Variants in SMURF2 observed in about 807,000 individuals in gnomAD.
SMURF2 encodes the protein SMAD specific E3 ubiquitin protein ligase 2.
In SMURF2, 48 loss-of-function variants were observed where a neutral mutation model predicts 109.6. That is an observed-to-expected ratio of 0.44 (90% CI 0.35 to 0.56). The LOEUF (loss-of-function observed/expected upper bound fraction) is 0.56. Among genes scored for constraint, SMURF2 ranks in the 20% least tolerant of loss-of-function variants. The probability of loss-of-function intolerance (pLI) is 0.01; values close to 1 mark genes in which losing one functional copy is unlikely to be tolerated. For synonymous variants in SMURF2, 288 were observed against 317.1 expected, an observed-to-expected ratio of 0.91 and a Z score of 0.97; for missense variants, 575 against 909.0, an observed-to-expected ratio of 0.63 and a Z score of 4.72.
At chr17:64,607,060 G>T (rs1329210430) in intron 1 of SMURF2, among the ~76,000 whole-genome samples, 4 of 149,236 alleles carry the variant, frequency 2.7e-5, no homozygotes, top group Non-Finnish European at 5.9e-5. Context: ...TGATATAGAT[G>T]AGTTTTTTTT....
rs187364357 is a variant in SMURF2, at chr17:64,586,926, G to A, written c.401-756C>T. ...TCTGCCTGTAATCCCAGCACTTTGG[G>A]AGGCCGAGGCAGGCAGATCATGAGG... On this transcript the variant is annotated intron_variant, in intron 5 of 18. Coordinates refer to ENST00000262435, the MANE Select transcript of SMURF2 (RefSeq NM_022739.4). Among the ~76,000 whole-genome samples, 1,060 of 152,160 alleles carry A rather than the reference G, an allele frequency of 7.0e-3. 13 individuals are homozygous for A. Among genetic ancestry groups the A allele is most frequent in the African/African-American group, 0.024 (990 of 41,506 alleles).
chr17:64,554,083 C>T lies in SMURF2; in HGVS notation c.1748+773G>A, dbSNP rs78351343. On this transcript the variant is annotated intron_variant, in intron 15 of 18. Transcript: ENST00000262435. ...ATGAAATCTGAAAAACATTTATTTA[C>T]ATTTATCCCTAAACTCACAATGTGC... is the stretch of plus-strand genomic sequence containing the variant. 1.3e-3 allele frequency among the ~76,000 whole-genome samples: 194 copies of T among 152,258 alleles called. 2 individuals carry two copies. In the East Asian group the frequency reaches 0.027, roughly 21 times the overall value.
At chr17:64,546,241 T>TA in intron 18 of SMURF2, 22 bp downstream of exon 18, 1 of 1,609,652 alleles carries the variant, frequency 6.2e-7, no homozygotes, top group Non-Finnish European at 8.5e-7. Flanking sequence ...GAATGGGGAA[T>TA]ACAGCTACAA....
At chr17:64,572,370 TA>T (rs1969409483) in intron 9 of SMURF2, among the ~76,000 whole-genome samples, 1 of 152,198 alleles carries the variant, frequency 6.6e-6, no homozygotes, top group Non-Finnish European at 1.5e-5. Context: ...AAAATTTGCA[TA>T]AAATGTCCAT....
chr17:64,651,044 T>G (rs368963134), intron 1 of SMURF2, among the ~76,000 whole-genome samples: 1 of 150,890 alleles, frequency 6.6e-6, no homozygotes. Flanking sequence ...AAACCCTGTC[T>G]CTACTAAAAA....
chr17:64,615,830 A>C (rs1214163082), intron 1 of SMURF2, among the ~76,000 whole-genome samples: 1 of 152,124 alleles, frequency 6.6e-6, no homozygotes, highest in Non-Finnish European at 1.5e-5. Flanking sequence ...GATGGATAAG[A>C]AAATAATTTC....
Position 64,662,130 on chromosome 17 carries a change from C to T in SMURF2, c.-250G>A. On this transcript the variant is annotated 5_prime_UTR_variant, in exon 1 of 19. Coordinates refer to ENST00000262435, the MANE Select transcript of SMURF2 (RefSeq NM_022739.4). Reference sequence around the variant, plus strand: ...CAACAAAGCGGCAGCCGCGGCCGCCCGCGCCGCCTCCGCCCGCGCCCCCGC... The same window carrying T: ...CAACAAAGCGGCAGCCGCGGCCGCCTGCGCCGCCTCCGCCCGCGCCCCCGC... 9.7e-7 allele frequency: 1 copy of T among 1,036,084 alleles called. No homozygotes were observed. The highest frequency in any genetic ancestry group is 1.2e-6 in the Non-Finnish European group (1 of 862,030). 64.2% of individuals were successfully genotyped at this position (1,036,084 alleles called of 1,614,324 possible). A position where few individuals can be genotyped will look rare whatever the true frequency, so the allele number is the denominator to read the frequency against.
At chr17:64,570,634 G>C (rs1210988521) in intron 10 of SMURF2, among the ~76,000 whole-genome samples, 1 of 152,196 alleles carries the variant, frequency 6.6e-6, no homozygotes, top group Non-Finnish European at 1.5e-5. Flanking sequence ...GCTGAAGCCA[G>C]AGCATCCTGG....
At chr17:64,584,560 T>C (rs1215081772) in intron 6 of SMURF2, among the ~76,000 whole-genome samples, 1 of 151,780 alleles carries the variant, frequency 6.6e-6, no homozygotes, top group Non-Finnish European at 1.5e-5. Flanking sequence ...GGTTTCACCA[T>C]GTTGGCCAGG....
chr17:64,631,637 T>G (rs1355974375), intron 1 of SMURF2, among the ~76,000 whole-genome samples: 1 of 152,012 alleles, frequency 6.6e-6, no homozygotes, highest in African/African-American at 2.4e-5. Context: ...GAACATAAAA[T>G]GCACTTAAAC....
chr17:64,646,934 G>A (rs1237856683), intron 1 of SMURF2, among the ~76,000 whole-genome samples: 3 of 152,126 alleles, frequency 2.0e-5, no homozygotes, highest in Non-Finnish European at 4.4e-5. Context: ...AAGATCAATC[G>A]TAGAATCTAG....
chr17:64,546,353 A>C lies in SMURF2; in HGVS notation c.2072-15T>G. On this transcript the variant is annotated splice_polypyrimidine_tract_variant and intron_variant, in intron 17 of 18. Coordinates refer to ENST00000262435, the MANE Select transcript of SMURF2 (RefSeq NM_022739.4). ...GCCTGCAGCACCTGCAAATGAAGGAAATGTGGATGAAATCACTGCAGGTGC... is the reference window on the plus strand; with the variant it reads ...GCCTGCAGCACCTGCAAATGAAGGACATGTGGATGAAATCACTGCAGGTGC... The C allele has an allele frequency of 1.2e-6, 2 of 1,612,644 alleles. No individual in the cohort carries two copies. Among genetic ancestry groups the C allele is most frequent in the Admixed American group, 1.7e-5 (1 of 59,936 alleles).
At chr17:64,628,196 A>C (rs1283370645) in intron 1 of SMURF2, among the ~76,000 whole-genome samples, 1 of 152,108 alleles carries the variant, frequency 6.6e-6, no homozygotes, top group Non-Finnish European at 1.5e-5. Context: ...ATGGAGAGGA[A>C]ATTTGGTCTC....
Position 64,557,679 on chromosome 17 carries a change from A to T in SMURF2, c.1360T>A (p.Tyr454Asn). 6.2e-7 allele frequency: 1 copy of T among 1,612,636 alleles called. No individual in the cohort carries two copies. Among genetic ancestry groups the T allele is most frequent in the African/African-American group, 1.3e-5 (1 of 75,032 alleles). ...LLSHEMLNPY[Y>N]GLFQYSRDDI... ...TCTCTTGAATACTGGAAGAGGCCAT[A>T]GTATGGATTCAACATTTCATGTGAC... The change falls in exon 13 of 19, where the codon TAT becomes AAT. Residue 454 changes from tyrosine to asparagine, a missense_variant. Tyr to Asn is a moderately radical substitution (Grantham distance 143, BLOSUM62 -2). Around this residue, in one of 5 missense-constraint regions of SMURF2, gnomAD observed 361 missense variants for 612.1 expected, o/e 0.59. Coordinates refer to ENST00000262435, the MANE Select transcript of SMURF2 (RefSeq NM_022739.4).
intron 1 of SMURF2, among the ~76,000 whole-genome samples, chr17:64,630,846 A>C (rs1178674799): frequency 2.0e-5 from 3 of 152,108 alleles, no homozygotes; most frequent in African/African-American, 7.2e-5. Context: ...CCTACTTTTC[A>C]ACCAGCACTC....
In SMURF2 at chr17:64,543,236, T is replaced by TGG. The variant is rs1425015102; in HGVS notation, c.*2610_*2611dup. The TGG allele has an allele frequency of 6.6e-6, 1 of 152,052 alleles. No homozygotes were observed. The highest frequency in any genetic ancestry group is 1.9e-4 in the East Asian group (1 of 5,196). The allele number at this position is 152,052 out of a possible 1,614,324, so 9.4% of individuals were successfully genotyped here. ...ATCTAAATCATGTTTTTATATATGTTGGTGATAACATAGACTGTTATGGAG... is the reference window on the plus strand; with the variant it reads ...ATCTAAATCATGTTTTTATATATGTTGGGGTGATAACATAGACTGTTATGGAG... On this transcript the variant is annotated 3_prime_UTR_variant, in exon 19 of 19. Coordinates refer to ENST00000262435, the MANE Select transcript of SMURF2 (RefSeq NM_022739.4).
At chr17:64,550,112 T>C (rs1326694193) in intron 16 of SMURF2, among the ~76,000 whole-genome samples, 1 of 152,250 alleles carries the variant, frequency 6.6e-6, no homozygotes, top group Non-Finnish European at 1.5e-5. Flanking sequence ...ATGTTCTCCT[T>C]CTAACTACTT....
At chr17:64,596,313 G>A (rs559706815) in intron 3 of SMURF2, among the ~76,000 whole-genome samples, 1 of 152,038 alleles carries the variant, frequency 6.6e-6, no homozygotes, top group East Asian at 1.9e-4. Flanking sequence ...TAACGTGGAT[G>A]CTAGGAAATT....
intron 1 of SMURF2, among the ~76,000 whole-genome samples, chr17:64,651,587 GAGA>G (rs1970641699): frequency 6.8e-6 from 1 of 146,852 alleles, no homozygotes; most frequent in African/African-American, 2.5e-5. Context: ...AAAAAAAAAA[GAGA>G]AGAAAAGAAA....
Sources: allele counts gnomAD v4.1 joint callset (sites outside exome capture counted in the v4.1 genomes callset), GRCh38; gene constraint gnomAD v4.1.1; regional missense constraint gnomAD v4.1.1; transcripts MANE v1.5; gene names NCBI Gene and HGNC (gene_info 2026-07-23, HGNC 2026-07-21).